NFKBIL1: variants seen among roughly 807,000 people sequenced by gnomAD.
The protein encoded by NFKBIL1 is NFKB inhibitor like 1, also known as NF-kappa-B inhibitor-like protein 1.
Under a neutral mutation model 45.4 loss-of-function variants are expected in NFKBIL1, and 30 were observed. That is an observed-to-expected ratio of 0.66 (90% CI 0.49 to 0.90). NFKBIL1 has a LOEUF of 0.90. Ranked by LOEUF, NFKBIL1 falls within the 40% of genes least tolerant of loss-of-function variation. NFKBIL1 has a pLI of 0.00. For synonymous variants in NFKBIL1, 179 were observed against 197.3 expected, an observed-to-expected ratio of 0.91 and a Z score of 0.78; for missense variants, 434 against 513.4, an observed-to-expected ratio of 0.85 and a Z score of 1.49.
rs201991155 is a variant in NFKBIL1, at chr6:31,558,043, A to G, written c.578A>G (p.Gln193Arg). The part of the protein sequence containing the change: ...RFEGDASHET[Q>R]EPESFSAWSD... ...ACAGGTGATGCCTCCCATGAAACCC[A>G]GGAACCTGAGTCCTTCTCAGCCTGG... The change falls in exon 4 of 4, where the codon CAG becomes CGG. Residue 193 changes from glutamine (Q) to arginine (R), a missense_variant. Coordinates refer to ENST00000376148, the MANE Select transcript of NFKBIL1 (RefSeq NM_005007.4). This position sits in a 1 kb window ranked among gnomAD's most constrained non-coding sequence, Gnocchi z 7.2. 26 of 1,393,422 alleles carry G rather than the reference A, an allele frequency of 1.9e-5. No individual in the cohort carries two copies. The South Asian group carries it at 2.9e-4, about 15-fold the overall frequency. The allele number at this position is 1,393,422 out of a possible 1,614,324, so 86.3% of individuals were successfully genotyped here. A position where few individuals can be genotyped will look rare whatever the true frequency, so the allele number is the denominator to read the frequency against.
chr6:31,549,207 C>T (rs866366951), intron 2 of NFKBIL1, among the ~76,000 whole-genome samples: 2 of 152,080 alleles, frequency 1.3e-5, no homozygotes, highest in African/African-American at 4.8e-5. Context: ...ACACGATAAG[C>T]ACTTGGTATA....
In NFKBIL1 at chr6:31,547,665, G is replaced by C. The variant is rs184482758; in HGVS notation, c.-30G>C. On this transcript the variant is annotated 5_prime_UTR_variant, in exon 1 of 4. Transcript: ENST00000376148. ...CACAGGCCTTGGGCCTACGGCTCTG[G>C]GGGTACTTGGGGGGGCGGGGGCAGG... The C allele has an allele frequency of 2.0e-3, 3,184 of 1,576,936 alleles. 129 individuals are homozygous for C. In the Admixed American group the frequency reaches 0.053, roughly 26 times the overall value.
chr6:31,552,324 G>C (rs1334696017), intron 2 of NFKBIL1, among the ~76,000 whole-genome samples: 1 of 152,176 alleles, frequency 6.6e-6, no homozygotes, highest in Non-Finnish European at 1.5e-5. Context: ...CCAGGCTGGA[G>C]TGCAGTGGCA....
chr6:31,558,004 T>G lies in NFKBIL1; in HGVS notation c.557-18T>G. ...CACAGCCTCTCTCCAACTACCCCCA[T>G]CCCACCCTCCCAAACAGGTGATGCC... On this transcript the variant is annotated intron_variant, in intron 3 of 3. Transcript: ENST00000376148. This position sits in a 1 kb window ranked among gnomAD's most constrained non-coding sequence, Gnocchi z 7.2. 1 of 624,966 alleles carries G rather than the reference T, an allele frequency of 1.6e-6. No individual in the cohort carries two copies. Among genetic ancestry groups the G allele is most frequent in the Non-Finnish European group, 2.8e-6 (1 of 363,278 alleles). The allele number at this position is 624,966 out of a possible 1,614,324, so 38.7% of individuals were successfully genotyped here.
intron 2 of NFKBIL1, among the ~76,000 whole-genome samples, chr6:31,551,091 A>T (rs1327813567): frequency 6.6e-6 from 1 of 152,076 alleles, no homozygotes; most frequent in Non-Finnish European, 1.5e-5. Context: ...CAGTGGTGCA[A>T]TCATGGCTCA....
Position 31,557,706 on chromosome 6 carries a change from CT to C in NFKBIL1, c.414del (p.Gly139AlafsTer131). ...ATAAAGAATAAGGATGGGGAGACCC[CT>C]GGCCAAATTTTGGGCTGGGGACCCC... ...MGIKNKDGET[P>X]GQILGWGPPW... On this transcript the variant is annotated frameshift_variant, in exon 3 of 4. Coordinates refer to ENST00000376148, the MANE Select transcript of NFKBIL1 (RefSeq NM_005007.4). LOFTEE classifies it high-confidence loss of function. The surrounding 1 kb of genome is among the most constrained non-coding windows in gnomAD (Gnocchi z 5.4). 2 of 1,608,150 alleles carry C rather than the reference CT, an allele frequency of 1.2e-6. No individual in the cohort carries two copies. The highest frequency in any genetic ancestry group is 1.7e-6 in the Non-Finnish European group (2 of 1,176,538).
rs759581844 is a variant in NFKBIL1, at chr6:31,558,333, G to C, written c.868G>C (p.Gly290Arg). The change falls in exon 4 of 4, where the codon GGG becomes CGG. Residue 290 changes from glycine (G) to arginine (R), a missense_variant. Gly to Arg is a moderately radical substitution (Grantham distance 125, BLOSUM62 -2). Transcript: ENST00000376148. This position sits in a 1 kb window ranked among gnomAD's most constrained non-coding sequence, Gnocchi z 7.2. Reference protein sequence around the residue: ...GPREEHPRGAGRGSLWRFGDV... With the variant: ...GPREEHPRGARRGSLWRFGDV... ...CAGGGAAGAGCACCCCAGAGGAGCG[G>C]GGAGGGGCAGCCTCTGGCGATTTGG... 7.0e-6 allele frequency: 11 copies of C among 1,562,896 alleles called. No individual in the cohort carries two copies. The highest frequency in any genetic ancestry group is 9.5e-6 in the Non-Finnish European group (11 of 1,152,062).
At chr6:31,549,657 C>T (rs1454503334) in intron 2 of NFKBIL1, among the ~76,000 whole-genome samples, 1 of 151,818 alleles carries the variant, frequency 6.6e-6, no homozygotes, top group African/African-American at 2.4e-5. Context: ...CACCAAAATT[C>T]ATTTGGTGAC....
In NFKBIL1 at chr6:31,557,090, G is replaced by A. The variant is rs1769779828; in HGVS notation, c.335-538G>A. Among the ~76,000 whole-genome samples, 1 of 149,332 alleles carries A rather than the reference G, an allele frequency of 6.7e-6. No homozygotes were observed. Among genetic ancestry groups the A allele is most frequent in the Non-Finnish European group, 1.5e-5 (1 of 67,774 alleles). ...CTTCTAGGACGCTGAAATAGTTTGTGGAGACACAAGTAAGAATTTTTTTTT... is the reference window on the plus strand; with the variant it reads ...CTTCTAGGACGCTGAAATAGTTTGTAGAGACACAAGTAAGAATTTTTTTTT... On this transcript the variant is annotated intron_variant, in intron 2 of 3. Transcript: ENST00000376148. This position sits in a 1 kb window ranked among gnomAD's most constrained non-coding sequence, Gnocchi z 5.4.
chr6:31,548,184 A>C lies in NFKBIL1; in HGVS notation c.79A>C (p.Thr27Pro). The change falls in exon 2 of 4, where the codon ACT becomes CCT. Residue 27 changes from threonine to proline, a missense_variant. Coordinates refer to ENST00000376148, the MANE Select transcript of NFKBIL1 (RefSeq NM_005007.4). ...VCRPKSSMAS[T>P]SRRQRRERRF... is the part of the protein sequence containing the mutation. ...CCAGCCCAAGAGTTCCATGGCCTCC[A>C]CTTCCCGCCGCCAACGCCGAGAACG... The C allele has an allele frequency of 6.2e-7, 1 of 1,613,034 alleles. No homozygotes were observed. The highest frequency in any genetic ancestry group is 8.5e-7 in the Non-Finnish European group (1 of 1,180,014).
intron 2 of NFKBIL1, among the ~76,000 whole-genome samples, chr6:31,551,612 TGAGACG>T (rs144520724): frequency 0.045 from 6,853 of 152,146 alleles, 450 homozygotes; most frequent in East Asian, 0.32. Flanking sequence ...CTTTTCCTTT[TGAGACG>T]GAGTCTTGCT....
chr6:31,554,583 A>G (rs1769611389), intron 2 of NFKBIL1, among the ~76,000 whole-genome samples: 1 of 152,226 alleles, frequency 6.6e-6, no homozygotes, highest in Non-Finnish European at 1.5e-5. Flanking sequence ...AAAAGACATG[A>G]AAAAGAAAAA....
intron 2 of NFKBIL1, among the ~76,000 whole-genome samples, chr6:31,549,004 G>C (rs1582997096): frequency 6.6e-6 from 1 of 152,332 alleles, no homozygotes. Context: ...CAGAGTTACA[G>C]TTATTCACTG....
intron 2 of NFKBIL1, among the ~76,000 whole-genome samples, chr6:31,549,480 G>GACCTCAGGTGATCCACCA (rs1452482221): frequency 6.7e-6 from 1 of 149,124 alleles, no homozygotes; most frequent in Non-Finnish European, 1.5e-5. Context: ...TCGAATGCCT[G>GACCTCAGGTGATCCACCA]ACCTCAGGTG....
At chr6:31,555,071 T>C (rs1769641581) in intron 2 of NFKBIL1, among the ~76,000 whole-genome samples, 1 of 152,202 alleles carries the variant, frequency 6.6e-6, no homozygotes, top group Non-Finnish European at 1.5e-5. Context: ...CAGTACACTG[T>C]TAATAGTTAT....
rs1474000439 is a variant in NFKBIL1, at chr6:31,548,063, A to G, written c.58-100A>G. On this transcript the variant is annotated intron_variant, in intron 1 of 3. Transcript: ENST00000376148. ...ATCTCTTGCTGAAGATATTAAAAAA[A>G]GACGGAACCAAAGGGAGAAACAACA... is the stretch of plus-strand genomic sequence containing the variant. 4.7e-6 allele frequency: 7 copies of G among 1,479,338 alleles called. No individual in the cohort carries two copies. In the South Asian group the frequency reaches 5.9e-5, roughly 13 times the overall value. The allele number at this position is 1,479,338 out of a possible 1,614,324, so 91.6% of individuals were successfully genotyped here.
At chr6:31,549,135 A>G (rs765493411) in intron 2 of NFKBIL1, among the ~76,000 whole-genome samples, 2 of 152,194 alleles carry the variant, frequency 1.3e-5, no homozygotes, top group Non-Finnish European at 2.9e-5. Context: ...CAGAGTACCC[A>G]TGTTGTGCCA....
rs1179428013 is a variant in NFKBIL1 at position 31,547,651 on chromosome 6, G to A, written c.-44G>A. ...CCGAGCTTCTTAAACACAGGCCTTG[G>A]GCCTACGGCTCTGGGGGTACTTGGG... On this transcript the variant is annotated 5_prime_UTR_variant, in exon 1 of 4. Transcript: ENST00000376148. 8.2e-6 allele frequency: 12 copies of A among 1,471,026 alleles called. No individual in the cohort carries two copies. Among genetic ancestry groups the A allele is most frequent in the Admixed American group, 1.8e-5 (1 of 54,988 alleles). 91.1% of individuals were successfully genotyped at this position (1,471,026 alleles called of 1,614,324 possible).
intron 2 of NFKBIL1, among the ~76,000 whole-genome samples, chr6:31,549,697 A>G (rs896084448): frequency 3.3e-5 from 5 of 151,980 alleles, no homozygotes; most frequent in African/African-American, 9.7e-5. Context: ...AAGTAAGACT[A>G]TTATTTATTT....
Sources: allele counts gnomAD v4.1 joint callset (sites outside exome capture counted in the v4.1 genomes callset), GRCh38; gene constraint gnomAD v4.1.1; non-coding constraint Gnocchi (gnomAD v3.1); transcripts MANE v1.5; gene names NCBI Gene and HGNC (gene_info 2026-07-23, HGNC 2026-07-21).